Variants in MARCHF8 observed in about 807,000 individuals in gnomAD.
MARCHF8 encodes membrane associated ring-CH-type finger 8.
Under a neutral mutation model 51.6 loss-of-function variants are expected in MARCHF8, and 40 were observed. The ratio of observed to expected loss-of-function variants is 0.77; its 90% CI spans 0.60 to 1.01. MARCHF8 has a LOEUF of 1.01. Among genes scored for constraint, MARCHF8 ranks in the 50% least tolerant of loss-of-function variants. The pLI is 0.00. For synonymous variants in MARCHF8, 263 were observed against 280.3 expected, an observed-to-expected ratio of 0.94 and a Z score of 0.62; for missense variants, 685 against 708.6, an observed-to-expected ratio of 0.97 and a Z score of 0.38.
intron 1 of MARCHF8, among the ~76,000 whole-genome samples, chr10:45,558,577 C>T (rs1347841173): frequency 6.6e-6 from 1 of 152,210 alleles, no homozygotes; most frequent in Non-Finnish European, 1.5e-5. Context: ...ATCCTGATGG[C>T]CACAGCCATG....
intron 1 of MARCHF8, among the ~76,000 whole-genome samples, chr10:45,564,007 G>A (rs891031451): frequency 6.6e-6 from 1 of 152,228 alleles, no homozygotes; most frequent in African/African-American, 2.4e-5. Context: ...TAGGCGTGGT[G>A]TCTCACGCCT....
At chr10:45,515,061 G>A (rs887236293) in intron 2 of MARCHF8, among the ~76,000 whole-genome samples, 1 of 152,190 alleles carries the variant, frequency 6.6e-6, no homozygotes, top group African/African-American at 2.4e-5. Flanking sequence ...CCTGGTTTCA[G>A]GCTATAAATA....
At chr10:45,563,133 C>A (rs1158193565) in intron 1 of MARCHF8, among the ~76,000 whole-genome samples, 1 of 152,096 alleles carries the variant, frequency 6.6e-6, no homozygotes, top group Non-Finnish European at 1.5e-5. Flanking sequence ...CTCAAGTGAT[C>A]CTACTGCCTC....
chr10:45,545,375 C>G (rs567542208), intron 1 of MARCHF8, among the ~76,000 whole-genome samples: 1 of 152,308 alleles, frequency 6.6e-6, no homozygotes, highest in Non-Finnish European at 1.5e-5. Context: ...TTAAGCAACA[C>G]TGTTCTCTGT....
At chr10:45,511,391 C>T (rs1241543772) in intron 2 of MARCHF8, among the ~76,000 whole-genome samples, 3 of 152,092 alleles carry the variant, frequency 2.0e-5, no homozygotes, top group Non-Finnish European at 4.4e-5. Context: ...CTCCCTCTCC[C>T]TCTCCCTCTC....
At chr10:45,493,313 C>G (rs1289727716) in intron 2 of MARCHF8, among the ~76,000 whole-genome samples, 1 of 152,174 alleles carries the variant, frequency 6.6e-6, no homozygotes, top group Non-Finnish European at 1.5e-5. Context: ...GTAATAAAAA[C>G]CCTGGCAAAT....
rs1057155072 is a variant in MARCHF8, at chr10:45,463,745, G to A, written c.494C>T (p.Ala165Val). 8.4e-6 allele frequency: 13 copies of A among 1,551,018 alleles called. No individual in the cohort carries two copies. The highest frequency in any genetic ancestry group is 4.9e-5 in the East Asian group (2 of 40,934). ...SRSLNDVGEK[A>V]QDTSESFAYV... ...GGCAAAACTTTCTGAAGTATCCTGCGCCTTCTCACCCACATCATTGAGGGA... is the reference window on the plus strand; with the variant it reads ...GGCAAAACTTTCTGAAGTATCCTGCACCTTCTCACCCACATCATTGAGGGA... The change falls in exon 5 of 8, where the codon GCG (alanine) becomes GTG (valine). Residue 165 changes from alanine to valine, a missense_variant. Physicochemically the swap from Ala to Val is moderately conservative, Grantham distance 64. Transcript: ENST00000453424.
chr10:45,458,456 T>G lies in MARCHF8; in HGVS notation c.1505A>C (p.Lys502Thr). 6.2e-7 allele frequency: 1 copy of G among 1,614,142 alleles called. No homozygotes were observed. Among genetic ancestry groups the G allele is most frequent in the African/African-American group, 1.3e-5 (1 of 75,026 alleles). The change falls in exon 8 of 8, where the codon AAA becomes ACA. Residue 502 changes from lysine to threonine, a missense_variant. Coordinates refer to ENST00000453424, the MANE Select transcript of MARCHF8 (RefSeq NM_001282866.2). ...TCTCTTCCACAATTGCACATACACT[T>G]TACACTGAACATACATAAAAAGAAG... ...GGLLFMYVQCKVYVQLWKRLK... is the reference protein window; with the variant it reads ...GGLLFMYVQCTVYVQLWKRLK...
At chr10:45,466,124 C>A (rs1353839455) in intron 3 of MARCHF8, among the ~76,000 whole-genome samples, 14 of 152,184 alleles carry the variant, frequency 9.2e-5, no homozygotes, top group Non-Finnish European at 1.5e-4. Flanking sequence ...TCACTGGCTC[C>A]ACCTGCCCCA....
intron 1 of MARCHF8, among the ~76,000 whole-genome samples, chr10:45,534,697 G>C (rs899621636): frequency 4.6e-5 from 7 of 152,270 alleles, no homozygotes; most frequent in African/African-American, 1.4e-4. Context: ...GCTGGGGTAG[G>C]GGGTGGGGAC....
intron 2 of MARCHF8, among the ~76,000 whole-genome samples, chr10:45,496,515 A>G (rs938306996): frequency 6.6e-6 from 1 of 152,146 alleles, no homozygotes; most frequent in African/African-American, 2.4e-5. Context: ...GAAACTCTAC[A>G]CTGAAACAAA....
At chr10:45,470,898 T>C (rs974624619) in intron 3 of MARCHF8, among the ~76,000 whole-genome samples, 1 of 152,218 alleles carries the variant, frequency 6.6e-6, no homozygotes, top group African/African-American at 2.4e-5. Flanking sequence ...TATGAGTAAC[T>C]CTGCTTTCGA....
chr10:45,529,955 G>T lies in MARCHF8; in HGVS notation c.102+3155C>A, dbSNP rs917629499. Among the ~76,000 whole-genome samples the T allele has an allele frequency of 3.9e-5, 6 of 152,184 alleles. No homozygotes were observed. The South Asian group carries it at 1.0e-3, about 26-fold the overall frequency. Reference sequence around the variant, plus strand: ...TACTGGGGATCTACGCAAAGGGAAAGAAATCATTATATCAAAAAGATACCT... The same window carrying T: ...TACTGGGGATCTACGCAAAGGGAAATAAATCATTATATCAAAAAGATACCT... On this transcript the variant is annotated intron_variant, in intron 2 of 7. Transcript: ENST00000453424.
upstream of MARCHF8, among the ~76,000 whole-genome samples, chr10:45,535,994 TAGAG>T (rs1300746922): frequency 6.6e-6 from 1 of 152,174 alleles, no homozygotes; most frequent in Non-Finnish European, 1.5e-5. Flanking sequence ...CAAGTTGACA[TAGAG>T]AGTCAAAGCA....
chr10:45,530,118 T>G (rs1008676250), intron 2 of MARCHF8, among the ~76,000 whole-genome samples: 1 of 152,214 alleles, frequency 6.6e-6, no homozygotes, highest in Non-Finnish European at 1.5e-5. Flanking sequence ...TGAATTCATG[T>G]TTTTTTGTAG....
chr10:45,571,126 T>C (rs961346889), intron 1 of MARCHF8, among the ~76,000 whole-genome samples: 5 of 152,116 alleles, frequency 3.3e-5, no homozygotes, highest in African/African-American at 1.2e-4. Context: ...TCAAAAGACC[T>C]AGAACGGCCA....
chr10:45,530,823 G>A (rs1052799967), intron 2 of MARCHF8, among the ~76,000 whole-genome samples: 2 of 152,114 alleles, frequency 1.3e-5, no homozygotes, highest in Non-Finnish European at 2.9e-5. Context: ...TGACCGAAGT[G>A]AGGGAGAAAA....
intron 1 of MARCHF8, among the ~76,000 whole-genome samples, chr10:45,561,195 T>C (rs1044292380): frequency 2.0e-5 from 3 of 151,472 alleles, no homozygotes; most frequent in African/African-American, 4.9e-5. Flanking sequence ...GAGAAGTAAA[T>C]ATGAGTGAGA....
intron 1 of MARCHF8, among the ~76,000 whole-genome samples, chr10:45,557,804 C>T (rs945537896): frequency 6.6e-6 from 1 of 152,174 alleles, no homozygotes; most frequent in East Asian, 1.9e-4. Flanking sequence ...ACTGCTTAGG[C>T]AGCCCCATAA....
Sources: allele counts gnomAD v4.1 joint callset (sites outside exome capture counted in the v4.1 genomes callset), GRCh38; gene constraint gnomAD v4.1.1; transcripts MANE v1.5; gene names NCBI Gene and HGNC (gene_info 2026-07-23, HGNC 2026-07-21).